The following CLUH variants were observed in gnomAD, a reference collection of about 807,000 sequenced individuals.
CLUH encodes the protein CLUH binding protein of NUMT mRNA.
CLUH carries 77 observed loss-of-function variants against 139.3 expected under a neutral mutation model. That is an observed-to-expected ratio of 0.55 (90% CI 0.46 to 0.67). CLUH has a LOEUF of 0.67. Among genes scored for constraint, CLUH ranks in the 30% least tolerant of loss-of-function variants. The pLI is 0.00. For missense variants in CLUH, 1,876 were observed against 1,875.8 expected (o/e 1.00, Z 0.00); for synonymous variants, 999 against 801.6 (o/e 1.25, Z -4.16).
Position 2,711,598 on chromosome 17 carries a change from AGCC to A in CLUH, c.61_63del (p.Gly21del). The A allele has an allele frequency of 1.0e-6, 1 of 981,268 alleles. No homozygotes were observed. The highest frequency in any genetic ancestry group is 1.2e-6 in the Non-Finnish European group (1 of 828,656). The allele number at this position is 981,268 out of a possible 1,614,324, so 60.8% of individuals were successfully genotyped here. ...GGCCGCCCCTTGCCCCCGGCCTGCG[AGCC>A]GTGTTCCCGGGCGCTGTCGGCCGGG... On this transcript the variant is annotated inframe_deletion, in exon 1 of 26. Transcript: ENST00000651024.
At position 2,704,334 on chromosome 17, in the gene CLUH, GC is replaced by G. The variant is rs1323006176; in HGVS notation, c.303+27del. The G allele has an allele frequency of 1.3e-6, 2 of 1,596,586 alleles. No homozygotes were observed. Among genetic ancestry groups the G allele is most frequent in the Admixed American group, 1.7e-5 (1 of 58,338 alleles). On this transcript the variant is annotated intron_variant, in intron 2 of 25. Coordinates refer to ENST00000651024, the MANE Select transcript of CLUH (RefSeq NM_001366661.1). This position sits in a 1 kb window ranked among gnomAD's most constrained non-coding sequence, Gnocchi z 5.7. ...ACCCTCCCCAGCAGGCTCAGGCCTG[GC>G]CCCCAGCACCCGTTCCTCCATCTTA...
At chr17:2,696,124 A>T in intron 13 of CLUH, 35 bp downstream of exon 13, 1 of 1,504,702 alleles carries the variant, frequency 6.6e-7, no homozygotes, top group Non-Finnish European at 9.0e-7. Context: ...CACCCTCCAC[A>T]CAAGCCCCAC....
rs1002366728 is a variant in CLUH, at chr17:2,695,548, G to A, written c.2392-22C>T. On this transcript the variant is annotated intron_variant, in intron 13 of 25. Transcript: ENST00000651024. ...TCACCTGCGGGCTGCAGCAGCTCAG[G>A]CCCCCACCCAGCTCCTCTGCCTCCA... 6 of 1,571,330 alleles carry A rather than the reference G, an allele frequency of 3.8e-6. No individual in the cohort carries two copies. The African/African-American group carries it at 4.0e-5, about 11-fold the overall frequency.
At position 2,696,941 on chromosome 17, in the gene CLUH, A is replaced by G. The variant is rs1469226618; in HGVS notation, c.1963T>C (p.Tyr655His). 6.4e-7 allele frequency: 1 copy of G among 1,572,906 alleles called. No individual in the cohort carries two copies. The highest frequency in any genetic ancestry group is 8.6e-7 in the Non-Finnish European group (1 of 1,159,880). The change falls in exon 11 of 26, where the codon TAC becomes CAC. Residue 655 changes from tyrosine (Y) to histidine (H), a missense_variant and splice_region_variant. This residue lies in a region of CLUH where 1,454 missense variants were observed against 1,384.4 expected (regional missense o/e 1.05). Coordinates refer to ENST00000651024, the MANE Select transcript of CLUH (RefSeq NM_001366661.1). The stretch of plus-strand genomic sequence containing the variant: ...GCGGCCAGCTTCATAAAGAGGAGGT[A>G]CCTGGAGCAGAGGAAACAGGGCAGA... The part of the protein sequence containing the change: ...ELVDAFVEHR[Y>H]LLFMKLAALQ...
intron 10 of CLUH, 56 bp downstream of exon 10, chr17:2,697,840 G>A: frequency 1.4e-6 from 2 of 1,421,360 alleles, no homozygotes; most frequent in African/African-American, 1.4e-5. Flanking sequence ...TCCACCCAGG[G>A]CGCCCGCACT....
At chr17:2,693,868 C>T (rs1425686145) in intron 19 of CLUH, 32 bp downstream of exon 19, 3 of 1,583,610 alleles carry the variant, frequency 1.9e-6, no homozygotes, top group Non-Finnish European at 2.6e-6. Flanking sequence ...CAACACGAGG[C>T]CAGGCCTTTG....
At position 2,706,287 on chromosome 17, in the gene CLUH, C is replaced by A. The variant is rs1292389571; in HGVS notation, c.101-1723G>T. ...GTCGCTCCCTTTCCCTGGATCCCCA[C>A]GAGCAAACGAGAAACAGGACCTCTA... On this transcript the variant is annotated intron_variant, in intron 1 of 25. Transcript: ENST00000651024. The surrounding 1 kb of genome is among the most constrained non-coding windows in gnomAD (Gnocchi z 4.6). Among the ~76,000 whole-genome samples, 1 of 152,064 alleles carries A rather than the reference C, an allele frequency of 6.6e-6. No homozygotes were observed. Among genetic ancestry groups the A allele is most frequent in the East Asian group, 1.9e-4 (1 of 5,184 alleles).
intron 1 of CLUH, among the ~76,000 whole-genome samples, chr17:2,710,330 G>A (rs1213998914): frequency 6.6e-6 from 1 of 152,212 alleles, no homozygotes; most frequent in African/African-American, 2.4e-5. Context: ...CCTTGGCCTT[G>A]TCTAGACAAT....
chr17:2,692,308 G>A (rs2069723599), intron 22 of CLUH, 53 bp downstream of exon 22: 32 of 1,485,624 alleles, frequency 2.2e-5, no homozygotes, highest in Non-Finnish European at 2.8e-5. Context: ...CGCCCCCGCC[G>A]GCTGCCCCGC....
Position 2,706,868 on chromosome 17 carries a change from C to CAG in CLUH, c.101-2306_101-2305dup, listed in dbSNP as rs1487087370. On this transcript the variant is annotated intron_variant, in intron 1 of 25. Coordinates refer to ENST00000651024, the MANE Select transcript of CLUH (RefSeq NM_001366661.1). This position sits in a 1 kb window ranked among gnomAD's most constrained non-coding sequence, Gnocchi z 4.6. ...AAAAGTGGGGAGTCAAATACCTAGA[C>CAG]AGAGACAGCCTGTGTTCTTTCGCAT... Among the ~76,000 whole-genome samples, 1 of 152,204 alleles carries CAG rather than the reference C, an allele frequency of 6.6e-6. No individual in the cohort carries two copies. Among genetic ancestry groups the CAG allele is most frequent in the Non-Finnish European group, 1.5e-5 (1 of 68,026 alleles).
intron 21 of CLUH, 23 bp downstream of exon 21, chr17:2,692,548 C>CG: frequency 5.6e-6 from 9 of 1,602,242 alleles, no homozygotes; most frequent in Non-Finnish European, 7.7e-6. Flanking sequence ...GGGTCCCTGC[C>CG]GCCCCCCCGC....
At chr17:2,700,953 G>T in intron 7 of CLUH, 128 bp from the exon 8 acceptor site, 1 of 1,420,042 alleles carries the variant, frequency 7.0e-7, no homozygotes, top group Non-Finnish European at 9.3e-7. Context: ...GGAGCCAGAT[G>T]GAAGTGCACG....
At position 2,707,163 on chromosome 17, in the gene CLUH, C is replaced by G. The variant is rs567004116; in HGVS notation, c.101-2599G>C. The G allele has an allele frequency of 1.1e-4, 106 of 984,802 alleles. No individual in the cohort carries two copies. The highest frequency in any genetic ancestry group is 1.2e-4 in the Admixed American group (2 of 16,276). 61.0% of individuals were successfully genotyped at this position (984,802 alleles called of 1,614,324 possible). On this transcript the variant is annotated intron_variant, in intron 1 of 25. Transcript: ENST00000651024. The surrounding 1 kb of genome is among the most constrained non-coding windows in gnomAD (Gnocchi z 7.4). ...GGCAGCTGGCTGGCTCACCAGGTCC[C>G]GGTGCTCACCTGGTGCAGTTGGCAG...
rs1257491876 is a variant in CLUH, at chr17:2,692,789, G to C, written c.3303C>G (p.Ile1101Met). The C allele has an allele frequency of 1.2e-6, 2 of 1,602,916 alleles. No individual in the cohort carries two copies. Among genetic ancestry groups the C allele is most frequent in the Non-Finnish European group, 1.7e-6 (2 of 1,172,588 alleles). The change falls in exon 20 of 26, where the codon ATC becomes ATG. Residue 1101 changes from isoleucine (I) to methionine (M), a missense_variant. Transcript: ENST00000651024. ...GGCACTCGCGACTCACGTATTCCTGGATGGTGTTGGGGTGCTCGGTGCCCA... is the reference window on the plus strand; with the variant it reads ...GGCACTCGCGACTCACGTATTCCTGCATGGTGTTGGGGTGCTCGGTGCCCA... ...RVMGTEHPNTIQEYMHLALYC... is the reference protein window; with the variant it reads ...RVMGTEHPNTMQEYMHLALYC...
At chr17:2,695,627 G>A in intron 13 of CLUH, 101 bp from the exon 14 acceptor site, 3 of 1,388,454 alleles carry the variant, frequency 2.2e-6, no homozygotes, top group Non-Finnish European at 2.9e-6. Flanking sequence ...CCTGGAGAAG[G>A]ACCCCGAAGG....
At chr17:2,702,760 T>C (rs2070229137) in intron 3 of CLUH, among the ~76,000 whole-genome samples, 1 of 150,072 alleles carries the variant, frequency 6.7e-6, no homozygotes, top group Non-Finnish European at 1.5e-5. Flanking sequence ...TGAACTGCGC[T>C]GACTTCACGC....
rs1378591578 is a variant in CLUH, at chr17:2,689,509, TG to T, written c.*1084del. 4 of 152,646 alleles carry T rather than the reference TG, an allele frequency of 2.6e-5. No individual in the cohort carries two copies. The highest frequency in any genetic ancestry group is 5.9e-5 in the Non-Finnish European group (4 of 68,056). 9.5% of individuals were successfully genotyped at this position (152,646 alleles called of 1,614,324 possible). On this transcript the variant is annotated 3_prime_UTR_variant, in exon 26 of 26. Coordinates refer to ENST00000651024, the MANE Select transcript of CLUH (RefSeq NM_001366661.1). ...CTTGCCCGCTCACGCCCATCCCCCTTGAAACAAGGTGTCTGGACGGACCACA... is the reference window on the plus strand; with the variant it reads ...CTTGCCCGCTCACGCCCATCCCCCTTAAACAAGGTGTCTGGACGGACCACA...
chr17:2,691,544 G>A (rs1026587076), intron 25 of CLUH, 65 bp downstream of exon 25: 3 of 1,511,212 alleles, frequency 2.0e-6, no homozygotes, highest in Middle Eastern at 1.9e-4. Context: ...CCGGGTGACA[G>A]GGCGAGACTC....
Position 2,700,990 on chromosome 17 carries a change from G to A in CLUH, c.1025+150C>T, listed in dbSNP as rs572468757. ...GCGCCTCTCCTGCGGCTGCTGTCTC[G>A]GCACTGGCCGACAGCTCCCTAGAGC... On this transcript the variant is annotated intron_variant, in intron 7 of 25. Transcript: ENST00000651024. 1.9e-4 allele frequency: 283 copies of A among 1,453,120 alleles called. 1 individual carries two copies. The South Asian group carries it at 2.8e-3, about 14-fold the overall frequency. 90.0% of individuals were successfully genotyped at this position (1,453,120 alleles called of 1,614,324 possible).
Sources: gnomAD v4.1 joint callset for allele counts (sites outside exome capture counted in the v4.1 genomes callset) on GRCh38, gnomAD v4.1.1 for gene constraint, gnomAD v4.1.1 regional missense constraint, Gnocchi (gnomAD v3.1) non-coding constraint, MANE v1.5 for transcripts, NCBI Gene and HGNC (gene_info 2026-07-23, HGNC 2026-07-21) for gene names.